Variants in KPNB1 observed in about 807,000 individuals in gnomAD.
KPNB1 encodes importin subunit beta-1.
Under a neutral mutation model 113.0 loss-of-function variants are expected in KPNB1, and 7 were observed. The ratio of observed to expected loss-of-function variants is 0.06; its 90% CI spans 0.04 to 0.12. KPNB1 has a LOEUF of 0.12. Among genes scored for constraint, KPNB1 ranks in the 10% least tolerant of loss-of-function variants. KPNB1 has a pLI of 1.00. For synonymous variants in KPNB1, 363 were observed against 378.6 expected (o/e 0.96, Z 0.48); for missense variants, 400 against 1,054.8 (o/e 0.38, Z 8.60).
intron 19 of KPNB1, among the ~76,000 whole-genome samples, chr17:47,679,550 A>G (rs2030709740): frequency 6.6e-6 from 1 of 152,244 alleles, no homozygotes; most frequent in South Asian, 2.1e-4. Context: ...CGACACATTA[A>G]TCAAAGGAAG....
At chr17:47,655,396 A>G (rs1915689692) in intron 3 of KPNB1, among the ~76,000 whole-genome samples, 1 of 152,228 alleles carries the variant, frequency 6.6e-6, no homozygotes, top group Admixed American at 6.5e-5. Flanking sequence ...GTGATAGAAC[A>G]GTTCTTTGAT....
At position 47,649,944 on chromosome 17, in the gene KPNB1, C is replaced by G. The variant is rs1005093366; in HGVS notation, c.-301C>G. On this transcript the variant is annotated 5_prime_UTR_variant, in exon 1 of 22. Transcript: ENST00000290158. ...CCCTCCCTGCGCGCCGCCTCTCACT[C>G]ACAGCCTCCCTTCCTTCTTTCTCCC... 4.6e-6 allele frequency: 6 copies of G among 1,304,840 alleles called. No homozygotes were observed. The East Asian group carries it at 2.0e-4, about 42-fold the overall frequency. 80.8% of individuals were successfully genotyped at this position (1,304,840 alleles called of 1,614,324 possible). A position where few individuals can be genotyped will look rare whatever the true frequency, so the allele number is the denominator to read the frequency against.
intron 11 of KPNB1, chr17:47,670,213 G>A: frequency 3.7e-6 from 1 of 272,942 alleles, no homozygotes; most frequent in Non-Finnish European, 7.2e-6. Context: ...AGGGCAAGAG[G>A]GAAGGAAGGT....
chr17:47,652,396 G>A (rs956389859), intron 2 of KPNB1, among the ~76,000 whole-genome samples: 3 of 151,998 alleles, frequency 2.0e-5, no homozygotes, highest in East Asian at 3.9e-4. Flanking sequence ...TTGCAATTCG[G>A]GGGTCTAACA....
chr17:47,656,780 C>T, intron 3 of KPNB1, 80 bp from the exon 4 acceptor site: 3 of 1,349,464 alleles, frequency 2.2e-6, no homozygotes, highest in South Asian at 2.4e-5. Context: ...TTCAGAGACA[C>T]TAATATAAGT....
chr17:47,651,070 CTGGATGA>C, intron 2 of KPNB1: 2 of 209,518 alleles, frequency 9.5e-6, no homozygotes, highest in Non-Finnish European at 1.6e-5. Context: ...TTCTTCTGAC[CTGGATGA>C]ATAGAGACCT....
At chr17:47,676,305 T>A in intron 15 of KPNB1, 104 bp from the exon 16 acceptor site, 2 of 825,362 alleles carry the variant, frequency 2.4e-6, no homozygotes, top group South Asian at 2.8e-5. Context: ...CCCAACCTGT[T>A]GAGTGGAGCG....
In KPNB1 at chr17:47,682,713, G is replaced by A; in HGVS notation, c.*309G>A. Reference sequence around the variant, plus strand: ...AAGAAAGAAAGTTATCTCTTCCCAGGAGAGGCTAGAAGTAGCTTTTCTGTC... The same window carrying A: ...AAGAAAGAAAGTTATCTCTTCCCAGAAGAGGCTAGAAGTAGCTTTTCTGTC... On this transcript the variant is annotated 3_prime_UTR_variant, in exon 22 of 22. Transcript: ENST00000290158. The A allele has an allele frequency of 2.4e-6, 1 of 410,270 alleles. No homozygotes were observed. 25.4% of individuals were successfully genotyped at this position (410,270 alleles called of 1,614,324 possible).
chr17:47,668,124 AC>A, intron 9 of KPNB1, 61 bp from the exon 10 acceptor site: 2 of 1,306,592 alleles, frequency 1.5e-6, no homozygotes, highest in Non-Finnish European at 1.1e-6. Context: ...TAGTCAGAGG[AC>A]CTTTAGAGTT....
intron 3 of KPNB1, among the ~76,000 whole-genome samples, chr17:47,653,433 GGTTTCA>G (rs2143086808): frequency 1.3e-5 from 2 of 152,068 alleles, no homozygotes; most frequent in African/African-American, 4.8e-5. Context: ...GTAGAGACGG[GGTTTCA>G]CCATGTTGGC....
At chr17:47,675,372 G>GTTTTTTTTTTTTTTTTTTTTTTT (rs755565036) in intron 15 of KPNB1, among the ~76,000 whole-genome samples, 2 of 86,076 alleles carry the variant, frequency 2.3e-5, no homozygotes, top group Non-Finnish European at 4.4e-5. Context: ...TTTTTTTTTT[G>GTTTTTTTTTTTTTTTTTTTTTTT]TTTTTTTTTT....
Position 47,652,689 on chromosome 17 carries a change from A to T in KPNB1, c.100-5A>T. The T allele has an allele frequency of 1.3e-6, 2 of 1,560,874 alleles. No individual in the cohort carries two copies. The highest frequency in any genetic ancestry group is 1.7e-6 in the Non-Finnish European group (2 of 1,159,800). On this transcript the variant is annotated splice_polypyrimidine_tract_variant and splice_region_variant and intron_variant, in intron 2 of 21. Coordinates refer to ENST00000290158, the MANE Select transcript of KPNB1 (RefSeq NM_002265.6). ...TTTATTTACAAATTTATCTTCCCTTAACAGCCCACTTTCCTTGTGGAACTG... is the reference window on the plus strand; with the variant it reads ...TTTATTTACAAATTTATCTTCCCTTTACAGCCCACTTTCCTTGTGGAACTG...
chr17:47,678,923 ATTTTAT>A (rs1053601251), intron 19 of KPNB1, among the ~76,000 whole-genome samples: 1 of 149,550 alleles, frequency 6.7e-6, no homozygotes, highest in African/African-American at 2.5e-5. Context: ...AATTTATTTT[ATTTTAT>A]TTTTATTTTT....
intron 10 of KPNB1, among the ~76,000 whole-genome samples, chr17:47,669,293 C>T (rs1329336897): frequency 6.6e-6 from 1 of 152,006 alleles, no homozygotes; most frequent in East Asian, 1.9e-4. Context: ...AGTAGAGAGA[C>T]CGGGTTTCAT....
chr17:47,664,346 G>T (rs2030200501), intron 8 of KPNB1, 77 bp downstream of exon 8: 2 of 977,114 alleles, frequency 2.0e-6, no homozygotes, highest in Non-Finnish European at 3.3e-6. Flanking sequence ...CCTTCTAGGA[G>T]AACTTTATTC....
chr17:47,649,937 T>G lies in KPNB1; in HGVS notation c.-308T>G, dbSNP rs543541086. On this transcript the variant is annotated 5_prime_UTR_variant, in exon 1 of 22. Transcript: ENST00000290158. ...CCTCGCTCCCTCCCTGCGCGCCGCC[T>G]CTCACTCACAGCCTCCCTTCCTTCT... 32 of 1,282,802 alleles carry G rather than the reference T, an allele frequency of 2.5e-5. No homozygotes were observed. The highest frequency in any genetic ancestry group is 9.4e-5 in the South Asian group (4 of 42,570). The allele number at this position is 1,282,802 out of a possible 1,614,324, so 79.5% of individuals were successfully genotyped here. A position where few individuals can be genotyped will look rare whatever the true frequency, so the allele number is the denominator to read the frequency against.
chr17:47,684,157 G>A lies in KPNB1; in HGVS notation c.*1753G>A, dbSNP rs1039808619. 1 of 152,090 alleles carries A rather than the reference G, an allele frequency of 6.6e-6. No individual in the cohort carries two copies. Among genetic ancestry groups the A allele is most frequent in the Non-Finnish European group, 1.5e-5 (1 of 68,022 alleles). The allele number at this position is 152,090 out of a possible 1,614,324, so 9.4% of individuals were successfully genotyped here. On this transcript the variant is annotated 3_prime_UTR_variant, in exon 22 of 22. Transcript: ENST00000290158. ...TTTCATTTCCACTCTAGCAAAAACT[G>A]GGCTTGCGTTTTTCTCCAACTCCTC...
Position 47,650,206 on chromosome 17 carries a change from G to T in KPNB1, c.-39G>T. The T allele has an allele frequency of 6.6e-7, 1 of 1,521,040 alleles. No individual in the cohort carries two copies. The highest frequency in any genetic ancestry group is 1.2e-5 in the South Asian group (1 of 82,564). The allele number at this position is 1,521,040 out of a possible 1,614,324, so 94.2% of individuals were successfully genotyped here. A position where few individuals can be genotyped will look rare whatever the true frequency, so the allele number is the denominator to read the frequency against. On this transcript the variant is annotated 5_prime_UTR_variant, in exon 1 of 22. Coordinates refer to ENST00000290158, the MANE Select transcript of KPNB1 (RefSeq NM_002265.6). ...GAGCCGCCGCCCGAAAGGCCGGGCCGTCGTCTTAGGAGGAGTCGCCGCCGC... is the reference window on the plus strand; with the variant it reads ...GAGCCGCCGCCCGAAAGGCCGGGCCTTCGTCTTAGGAGGAGTCGCCGCCGC...
At chr17:47,676,846 C>T (rs1286026332) in intron 16 of KPNB1, among the ~76,000 whole-genome samples, 174 bp from the exon 17 acceptor site, 6 of 131,318 alleles carry the variant, frequency 4.6e-5, no homozygotes, top group Admixed American at 3.4e-4. Flanking sequence ...TCAGTGATCT[C>T]TCTCGGATAG....
Sources: gnomAD v4.1 joint callset for allele counts (sites outside exome capture counted in the v4.1 genomes callset) on GRCh38, gnomAD v4.1.1 for gene constraint, MANE v1.5 for transcripts, NCBI Gene and HGNC (gene_info 2026-07-23, HGNC 2026-07-21) for gene names.